Variants in TNFRSF1B observed in about 807,000 individuals in gnomAD.
TNFRSF1B encodes TNF receptor superfamily member 1B.
A neutral mutation model predicts 44.6 loss-of-function variants in TNFRSF1B; 19 were observed. That is an observed-to-expected ratio of 0.43 (90% confidence interval 0.30 to 0.62). The LOEUF is 0.62. Ranked by LOEUF, TNFRSF1B falls within the 20% of genes least tolerant of loss-of-function variation. TNFRSF1B has a pLI of 0.16. For missense variants in TNFRSF1B, 541 were observed against 619.9 expected, an observed-to-expected ratio of 0.87 and a Z score of 1.35; for synonymous variants, 252 against 261.1, an observed-to-expected ratio of 0.97 and a Z score of 0.34.
At chr1:12,197,363 T>C (rs1159593485) in intron 8 of TNFRSF1B, among the ~76,000 whole-genome samples, 2 of 152,178 alleles carry the variant, frequency 1.3e-5, no homozygotes. Flanking sequence ...TGATTTGTGG[T>C]GTTTGCTAAT....
At chr1:12,203,750 G>A (rs887842017) in intron 9 of TNFRSF1B, among the ~76,000 whole-genome samples, 1 of 152,008 alleles carries the variant, frequency 6.6e-6, no homozygotes, top group Admixed American at 6.6e-5. Flanking sequence ...ATGGGGTCTC[G>A]CTCGTCGCCT....
chr1:12,190,971 G>C lies in TNFRSF1B; in HGVS notation c.193G>C (p.Val65Leu), dbSNP rs756172076. The change falls in exon 3 of 10, where the codon GTC becomes CTC. Residue 65 changes from valine (V) to leucine (L), a missense_variant. Physicochemically the swap from Val to Leu is conservative, Grantham distance 32. Transcript: ENST00000376259. ...TGTTTCCTCAGGCCAACATGCAAAA[G>C]TCTTCTGTACCAAGACCTCGGACAC... The part of the protein sequence containing the change: ...SKCSPGQHAK[V>L]FCTKTSDTVC... 2 of 1,613,840 alleles carry C rather than the reference G, an allele frequency of 1.2e-6. No homozygotes were observed. The highest frequency in any genetic ancestry group is 2.7e-5 in the African/African-American group (2 of 74,888).
rs1203941493 is a variant in TNFRSF1B at position 12,171,200 on chromosome 1, G to T, written c.78+4031G>T. ...CCTTTTTTTTTTTTTTTTTAGTAGA[G>T]ACCGGGTTTTGCCATGTTGGCCAGG... On this transcript the variant is annotated intron_variant, in intron 1 of 9. Coordinates refer to ENST00000376259, the MANE Select transcript of TNFRSF1B (RefSeq NM_001066.3). The surrounding 1 kb of genome is among the most constrained non-coding windows in gnomAD (Gnocchi z 4.5). 8.2e-5 allele frequency among the ~76,000 whole-genome samples: 12 copies of T among 146,800 alleles called. No individual in the cohort carries two copies. Among genetic ancestry groups the T allele is most frequent in the Admixed American group, 8.2e-4 (12 of 14,716 alleles).
rs1638447315 is a variant in TNFRSF1B at position 12,168,588 on chromosome 1, G to T, written c.78+1419G>T. Among the ~76,000 whole-genome samples, 1 of 152,124 alleles carries T rather than the reference G, an allele frequency of 6.6e-6. No homozygotes were observed. The highest frequency in any genetic ancestry group is 2.4e-5 in the African/African-American group (1 of 41,406). On this transcript the variant is annotated intron_variant, in intron 1 of 9. Transcript: ENST00000376259. This position sits in a 1 kb window ranked among gnomAD's most constrained non-coding sequence, Gnocchi z 4.7. ...TGGGCCTGCCTGGGTGAACTCTGGG[G>T]TCATGTGAGCCCCTGGATGGGAGAG... is the stretch of plus-strand genomic sequence containing the variant.
At chr1:12,191,686 G>T in intron 3 of TNFRSF1B, 88 bp from the exon 4 acceptor site, 1 of 1,558,274 alleles carries the variant, frequency 6.4e-7, no homozygotes, top group South Asian at 1.1e-5. Context: ...CTGGAGATCC[G>T]CTGTCTGAGA....
intron 2 of TNFRSF1B, among the ~76,000 whole-genome samples, chr1:12,189,239 G>C (rs1182485289): frequency 6.6e-6 from 1 of 152,182 alleles, no homozygotes; most frequent in Non-Finnish European, 1.5e-5. Context: ...GCCTGGAGGA[G>C]GCAGCACTCA....
intron 1 of TNFRSF1B, among the ~76,000 whole-genome samples, chr1:12,181,767 GCT>G (rs1171885990): frequency 6.6e-6 from 1 of 152,144 alleles, no homozygotes; most frequent in Non-Finnish European, 1.5e-5. Flanking sequence ...TCCACCCTCT[GCT>G]CTCTCCAGAG....
intron 8 of TNFRSF1B, among the ~76,000 whole-genome samples, chr1:12,195,305 G>A (rs954616685): frequency 6.6e-6 from 1 of 152,220 alleles, no homozygotes; most frequent in East Asian, 1.9e-4. Context: ...AAACCTACAG[G>A]TGACTTTAGA....
intron 2 of TNFRSF1B, 31 bp from the exon 3 acceptor site, chr1:12,190,926 C>T: frequency 6.2e-7 from 1 of 1,607,510 alleles, no homozygotes. Flanking sequence ...AAGGCTCGCC[C>T]AGCTGAGACC....
rs759147185 is a variant in TNFRSF1B at position 12,202,034 on chromosome 1, C to G, written c.968C>G (p.Ala323Gly). The G allele has an allele frequency of 6.2e-7, 1 of 1,611,812 alleles. No individual in the cohort carries two copies. The highest frequency in any genetic ancestry group is 1.1e-5 in the South Asian group (1 of 90,578). Residue 323 changes from alanine (A) to glycine (G), a missense_variant, in exon 9 of 10, where the codon GCG (alanine) becomes GGG (glycine). Ala to Gly is a moderately conservative substitution (Grantham distance 60, BLOSUM62 0). Transcript: ENST00000376259. ...GPEQQHLLITAPSSSSSSLES... is the reference protein window; with the variant it reads ...GPEQQHLLITGPSSSSSSLES... Reference sequence around the variant, plus strand: ...GAGCAGCAGCACCTGCTGATCACAGCGCCGAGCTCCAGCAGCAGCTCCCTG... The same window carrying G: ...GAGCAGCAGCACCTGCTGATCACAGGGCCGAGCTCCAGCAGCAGCTCCCTG...
chr1:12,174,256 C>CCTTCTCCTTCTCCTT (rs1557623863), intron 1 of TNFRSF1B, among the ~76,000 whole-genome samples: 4 of 137,430 alleles, frequency 2.9e-5, no homozygotes, highest in East Asian at 2.0e-4. Flanking sequence ...TTCTCCTTCT[C>CCTTCTCCTTCTCCTT]CTTCTTCTTC....
chr1:12,191,901 G>T lies in TNFRSF1B; in HGVS notation c.435G>T (p.Pro145=). The change falls in exon 4 of 10, where the codon CCG becomes CCT. Residue 145 remains proline, a synonymous_variant. Transcript: ENST00000376259. ...GCGCGCCGCTGCGCAAGTGCCGCCC[G>T]GGCTTCGGCGTGGCCAGACCAGGTA... ...RLCAPLRKCR[P]GFGVARPGTE... is the part of the protein sequence containing the mutation. The T allele has an allele frequency of 6.2e-7, 1 of 1,609,340 alleles. No homozygotes were observed. Among genetic ancestry groups the T allele is most frequent in the East Asian group, 2.2e-5 (1 of 44,808 alleles).
At chr1:12,196,982 A>G (rs1372152534) in intron 8 of TNFRSF1B, among the ~76,000 whole-genome samples, 1 of 138,412 alleles carries the variant, frequency 7.2e-6, no homozygotes, top group Non-Finnish European at 1.5e-5. Flanking sequence ...TGAGACAGCT[A>G]TGTCGCCCAG....
intron 1 of TNFRSF1B, among the ~76,000 whole-genome samples, chr1:12,183,716 TC>T (rs1557629074): frequency 1.8e-4 from 19 of 106,328 alleles, no homozygotes; most frequent in African/African-American, 3.0e-4. Flanking sequence ...ATCTATTCTA[TC>T]TACCTATCTA....
At chr1:12,167,258 C>T in intron 1 of TNFRSF1B, 89 bp downstream of exon 1, 2 of 1,026,422 alleles carry the variant, frequency 1.9e-6, no homozygotes, top group Admixed American at 4.4e-5. Context: ...GCCGCGCTCT[C>T]CCGGGGCGCT....
At chr1:12,191,537 CG>C (rs1372734944) in intron 3 of TNFRSF1B, among the ~76,000 whole-genome samples, 1 of 148,348 alleles carries the variant, frequency 6.7e-6, no homozygotes, top group Non-Finnish European at 1.5e-5. Flanking sequence ...AGCGCGACTG[CG>C]GGGGACGAGC....
At position 12,167,118 on chromosome 1, in the gene TNFRSF1B, G is replaced by A. The variant is rs1256653355; in HGVS notation, c.27G>A (p.Ala9=). The change falls in exon 1 of 10, where the codon GCG becomes GCA. Residue 9 remains alanine (A), a synonymous_variant. Transcript: ENST00000376259. MAPVAVWA[A]LAVGLELWAA... is the part of the protein sequence containing the mutation. The stretch of plus-strand genomic sequence containing the variant: ...TGGCGCCCGTCGCCGTCTGGGCCGC[G>A]CTGGCCGTCGGACTGGAGCTCTGGG... 7.4e-7 allele frequency: 1 copy of A among 1,351,288 alleles called. No homozygotes were observed. Among genetic ancestry groups the A allele is most frequent in the Non-Finnish European group, 9.5e-7 (1 of 1,047,174 alleles). 83.7% of individuals were successfully genotyped at this position (1,351,288 alleles called of 1,614,324 possible).
intron 1 of TNFRSF1B, among the ~76,000 whole-genome samples, chr1:12,183,816 AT>A (rs370450368): frequency 0.07 from 8,235 of 117,622 alleles, 462 homozygotes; most frequent in Non-Finnish European, 0.095. Flanking sequence ...CTATCTATCT[AT>A]TCTATCTACC....
intron 1 of TNFRSF1B, among the ~76,000 whole-genome samples, chr1:12,181,051 G>A (rs1638791767): frequency 6.6e-6 from 1 of 152,180 alleles, no homozygotes; most frequent in Admixed American, 6.5e-5. Flanking sequence ...CAGCGGGCCT[G>A]CCATGGTCTC....
Sources: gnomAD v4.1 joint callset for allele counts (sites outside exome capture counted in the v4.1 genomes callset) on GRCh38, gnomAD v4.1.1 for gene constraint, Gnocchi (gnomAD v3.1) non-coding constraint, MANE v1.5 for transcripts, NCBI Gene and HGNC (gene_info 2026-07-23, HGNC 2026-07-21) for gene names.